Variants in EZR observed in about 807,000 individuals in gnomAD.
EZR encodes ezrin, also known as cytovillin 2.
A neutral mutation model predicts 74.8 loss-of-function variants in EZR; 40 were observed. The ratio of observed to expected loss-of-function variants is 0.53; its 90% CI spans 0.42 to 0.70. The LOEUF is 0.70. EZR is among the 30% of genes least tolerant of loss of function. The pLI is 0.00. For missense variants in EZR, 678 were observed against 755.8 expected (o/e 0.90, Z 1.21); for synonymous variants, 341 against 283.3 (o/e 1.20, Z -2.05).
intron 8 of EZR, among the ~76,000 whole-genome samples, chr6:158,774,900 C>T (rs1205524858): frequency 1.3e-5 from 2 of 152,026 alleles, no homozygotes; most frequent in Non-Finnish European, 2.9e-5. Context: ...CGCTATGACC[C>T]TCCATTCATG....
At position 158,785,516 on chromosome 6, in the gene EZR, T is replaced by G; in HGVS notation, c.260A>C (p.Glu87Ala). 2 of 1,614,204 alleles carry G rather than the reference T, an allele frequency of 1.2e-6. No homozygotes were observed. Among genetic ancestry groups the G allele is most frequent in the Non-Finnish European group, 1.7e-6 (2 of 1,180,038 alleles). The change falls in exon 5 of 14, where the codon GAA becomes GCA. Residue 87 changes from glutamate to alanine, a missense_variant. Physicochemically the swap from Glu to Ala is moderately radical, Grantham distance 107 (BLOSUM62 -1). Coordinates refer to ENST00000367075, the MANE Select transcript of EZR (RefSeq NM_001111077.2). Reference protein sequence around the residue: ...QFKFRAKFYPEDVAEELIQDI... With the variant: ...QFKFRAKFYPADVAEELIQDI... ...CTGGATGAGCTCCTCAGCCACATCT[T>G]CAGGGTAGAACTTGGCCCGGAACTT...
chr6:158,815,995 AAGAG>A (rs1009724559), intron 2 of EZR, among the ~76,000 whole-genome samples: 4 of 152,364 alleles, frequency 2.6e-5, no homozygotes, highest in South Asian at 4.1e-4. Context: ...CATAAGAAAT[AAGAG>A]AGAGAAGGGA....
intron 2 of EZR, among the ~76,000 whole-genome samples, chr6:158,813,849 G>GT (rs1777497400): frequency 6.6e-6 from 1 of 152,150 alleles, no homozygotes; most frequent in African/African-American, 2.4e-5. Flanking sequence ...CAGCTCTATG[G>GT]TTCTCATGAC....
At chr6:158,803,606 CATAT>C (rs60330512) in intron 2 of EZR, among the ~76,000 whole-genome samples, 1 of 36,050 alleles carries the variant, frequency 2.8e-5, no homozygotes, top group African/African-American at 7.5e-5. Flanking sequence ...TATATATATA[CATAT>C]ATATATATAT....
At chr6:158,796,650 T>TGG (rs34791959) in intron 2 of EZR, among the ~76,000 whole-genome samples, 1 of 152,044 alleles carries the variant, frequency 6.6e-6, no homozygotes, top group Non-Finnish European at 1.5e-5. Context: ...GGATATGCTG[T>TGG]GGGGGCAGTG....
chr6:158,810,852 TTGTCTCCG>T (rs1255882541), intron 2 of EZR, among the ~76,000 whole-genome samples: 1 of 152,226 alleles, frequency 6.6e-6, no homozygotes, highest in Admixed American at 6.5e-5. Flanking sequence ...GATAAAAACT[TTGTCTCCG>T]TTTATCTTAT....
intron 7 of EZR, among the ~76,000 whole-genome samples, chr6:158,777,115 T>G (rs759012949): frequency 4.6e-5 from 7 of 152,240 alleles, no homozygotes; most frequent in Non-Finnish European, 7.3e-5. Context: ...TGCTACAGAC[T>G]GTTGAATGTT....
chr6:158,767,212 C>T, intron 13 of EZR, 49 bp downstream of exon 13: 6 of 1,587,658 alleles, frequency 3.8e-6, no homozygotes, highest in Non-Finnish European at 5.2e-6. Context: ...AGCCTGTCTG[C>T]TCCAAAAGCG....
At position 158,789,390 on chromosome 6, in the gene EZR, C is replaced by T. The variant is rs377058574; in HGVS notation, c.13-19G>A. On this transcript the variant is annotated intron_variant, in intron 2 of 13. Transcript: ENST00000367075. Reference sequence around the variant, plus strand: ...CATTGATCTGAAAAACAGAATGAAACAAATTACGCTTAACTGAGTATTCTT... The same window carrying T: ...CATTGATCTGAAAAACAGAATGAAATAAATTACGCTTAACTGAGTATTCTT... The T allele has an allele frequency of 6.2e-7, 1 of 1,604,390 alleles. No individual in the cohort carries two copies. The highest frequency in any genetic ancestry group is 8.5e-7 in the Non-Finnish European group (1 of 1,171,230).
intron 2 of EZR, among the ~76,000 whole-genome samples, chr6:158,807,218 G>A (rs1462832441): frequency 6.6e-6 from 1 of 152,076 alleles, no homozygotes; most frequent in Non-Finnish European, 1.5e-5. Flanking sequence ...GGGAGGCTGA[G>A]GCAGGAGAAT....
chr6:158,779,666 T>G (rs1791375978), intron 7 of EZR, among the ~76,000 whole-genome samples: 1 of 152,096 alleles, frequency 6.6e-6, no homozygotes, highest in South Asian at 2.1e-4. Context: ...CGGGCTCAAG[T>G]GATCCTCCCA....
At chr6:158,795,974 T>C (rs1311415673) in intron 2 of EZR, among the ~76,000 whole-genome samples, 1 of 152,192 alleles carries the variant, frequency 6.6e-6, no homozygotes, top group African/African-American at 2.4e-5. Context: ...TTGAGGCCTT[T>C]TCCCACTCTG....
intron 2 of EZR, among the ~76,000 whole-genome samples, chr6:158,807,556 CAA>C (rs1276663295): frequency 2.0e-5 from 3 of 152,252 alleles, no homozygotes; most frequent in South Asian, 4.1e-4. Context: ...CTGTCCAACC[CAA>C]AAGTGATTTA....
Position 158,782,419 on chromosome 6 carries a change from C to A in EZR, c.698+1101G>T, listed in dbSNP as rs529818466. 2.0e-5 allele frequency among the ~76,000 whole-genome samples: 3 copies of A among 152,170 alleles called. No homozygotes were observed. The East Asian group carries it at 5.8e-4, about 29-fold the overall frequency. On this transcript the variant is annotated intron_variant, in intron 7 of 13. Transcript: ENST00000367075. ...GTGGGGATGCTGAGAACAAAAATATCTGAGAACAGATGAGATGGGTGAGCC... is the reference window on the plus strand; with the variant it reads ...GTGGGGATGCTGAGAACAAAAATATATGAGAACAGATGAGATGGGTGAGCC...
At chr6:158,789,775 C>T (rs747965817) in intron 2 of EZR, among the ~76,000 whole-genome samples, 1 of 152,192 alleles carries the variant, frequency 6.6e-6, no homozygotes, top group Non-Finnish European at 1.5e-5. Context: ...GCCACCATGC[C>T]TAGCTCGTTT....
chr6:158,804,045 G>A (rs763874447), intron 2 of EZR, among the ~76,000 whole-genome samples: 2 of 152,136 alleles, frequency 1.3e-5, no homozygotes, highest in Non-Finnish European at 2.9e-5. Flanking sequence ...ATGACTGCTA[G>A]TCATGCCCGA....
intron 2 of EZR, among the ~76,000 whole-genome samples, chr6:158,789,976 C>A (rs924322100): frequency 6.6e-6 from 1 of 152,104 alleles, no homozygotes; most frequent in Non-Finnish European, 1.5e-5. Flanking sequence ...TTCCATGCAC[C>A]ATCTCATATG....
chr6:158,810,851 T>C (rs926422881), intron 2 of EZR, among the ~76,000 whole-genome samples: 2 of 152,198 alleles, frequency 1.3e-5, no homozygotes, highest in African/African-American at 4.8e-5. Flanking sequence ...TGATAAAAAC[T>C]TTGTCTCCGT....
intron 8 of EZR, among the ~76,000 whole-genome samples, chr6:158,773,023 C>T (rs1191506749): frequency 6.6e-6 from 1 of 152,082 alleles, no homozygotes; most frequent in Non-Finnish European, 1.5e-5. Flanking sequence ...ATTGGGTTTC[C>T]CAGGGAGGAG....
Sources: gnomAD v4.1 joint callset for allele counts (sites outside exome capture counted in the v4.1 genomes callset) on GRCh38, gnomAD v4.1.1 for gene constraint, MANE v1.5 for transcripts, NCBI Gene and HGNC (gene_info 2026-07-23, HGNC 2026-07-21) for gene names.